MAD1L1: variants seen among roughly 807,000 people sequenced by gnomAD.
MAD1L1 encodes the protein mitotic arrest deficient 1 like 1, also known as mitotic spindle assembly checkpoint protein MAD1.
In MAD1L1, 95 loss-of-function variants were observed where a neutral mutation model predicts 96.9. That is an observed-to-expected ratio of 0.98 (90% CI 0.83 to 1.16). The LOEUF is 1.16. Among genes scored for constraint, MAD1L1 ranks in the 50% most tolerant of loss-of-function variants. The pLI is 0.00. For missense variants in MAD1L1, 1,007 were observed against 954.4 expected, an observed-to-expected ratio of 1.06 and a Z score of -0.73; for synonymous variants, 473 against 396.6, an observed-to-expected ratio of 1.19 and a Z score of -2.29.
At chr7:1,888,012 CGT>C (rs1554284241) in intron 18 of MAD1L1, among the ~76,000 whole-genome samples, 2 of 147,944 alleles carry the variant, frequency 1.4e-5, no homozygotes, top group Non-Finnish European at 1.5e-5. Flanking sequence ...GCTGCCTGTA[CGT>C]GTGTGTGCAT....
chr7:1,912,195 C>T (rs1229971727), intron 17 of MAD1L1, among the ~76,000 whole-genome samples: 1 of 152,214 alleles, frequency 6.6e-6, no homozygotes, highest in Non-Finnish European at 1.5e-5. Flanking sequence ...CAGAACCAGC[C>T]AGCTCCGTGT....
At chr7:2,040,659 T>G (rs1351858741) in intron 12 of MAD1L1, among the ~76,000 whole-genome samples, 1 of 152,174 alleles carries the variant, frequency 6.6e-6, no homozygotes, top group African/African-American at 2.4e-5. Flanking sequence ...ATTTTGGGGA[T>G]GTGCTTCCTT....
intron 10 of MAD1L1, among the ~76,000 whole-genome samples, chr7:2,189,337 C>A (rs1047193532): frequency 5.3e-5 from 8 of 152,162 alleles, no homozygotes; most frequent in Admixed American, 5.2e-4. Flanking sequence ...AGATATCTGC[C>A]CGCTCGTGTT....
chr7:1,981,139 T>C (rs192215264), intron 14 of MAD1L1, among the ~76,000 whole-genome samples: 1 of 152,272 alleles, frequency 6.6e-6, no homozygotes, highest in East Asian at 1.9e-4. Context: ...GTTAATTTTT[T>C]GTATTTTAGT....
At chr7:2,219,038 C>T (rs950468424) in intron 6 of MAD1L1, among the ~76,000 whole-genome samples, 11 of 152,114 alleles carry the variant, frequency 7.2e-5, no homozygotes, top group South Asian at 4.1e-4. Flanking sequence ...CCAGGCTGGA[C>T]GACAGAGTGA....
chr7:2,124,031 G>A (rs1357004344), intron 11 of MAD1L1, among the ~76,000 whole-genome samples: 1 of 152,356 alleles, frequency 6.6e-6, no homozygotes, highest in East Asian at 1.9e-4. Flanking sequence ...AGCCAGGTCA[G>A]GCTCCTCCTC....
chr7:2,121,520 A>G (rs1042790794), intron 11 of MAD1L1, among the ~76,000 whole-genome samples: 1 of 152,206 alleles, frequency 6.6e-6, no homozygotes, highest in Admixed American at 6.5e-5. Flanking sequence ...CACTGTCCCC[A>G]TGGGTCAGGC....
At chr7:1,856,409 C>T (rs894676805) in intron 18 of MAD1L1, among the ~76,000 whole-genome samples, 37 of 152,250 alleles carry the variant, frequency 2.4e-4, no homozygotes, top group African/African-American at 8.9e-4. Context: ...GGCCCCCTGC[C>T]TCCAGCGGCC....
rs181337251 is a variant in MAD1L1 at position 2,112,293 on chromosome 7, T to G, written c.1073+36859A>C. On this transcript the variant is annotated intron_variant, in intron 11 of 18. Coordinates refer to ENST00000265854, the MANE Select transcript of MAD1L1 (RefSeq NM_001013836.2). ...CAGCAGAAGGGCAAATGAGGCTGTATAGACAGTTTTTTTTAATCAACCAGA... is the reference window on the plus strand; with the variant it reads ...CAGCAGAAGGGCAAATGAGGCTGTAGAGACAGTTTTTTTTAATCAACCAGA... 2.0e-5 allele frequency among the ~76,000 whole-genome samples: 3 copies of G among 152,062 alleles called. No individual in the cohort carries two copies. In the South Asian group the frequency reaches 6.2e-4, roughly 31 times the overall value.
At chr7:2,140,666 C>G (rs1788984956) in intron 11 of MAD1L1, among the ~76,000 whole-genome samples, 1 of 152,252 alleles carries the variant, frequency 6.6e-6, no homozygotes. Context: ...CCCCAAGGAG[C>G]AACCAGGCCT....
intron 11 of MAD1L1, among the ~76,000 whole-genome samples, chr7:2,123,980 G>A (rs1034996460): frequency 4.0e-4 from 61 of 152,272 alleles, no homozygotes; most frequent in African/African-American, 1.3e-3. Flanking sequence ...GGGGGCTTAG[G>A]CCCCGGGGGC....
intron 18 of MAD1L1, among the ~76,000 whole-genome samples, chr7:1,862,668 T>C (rs899106169): frequency 2.0e-5 from 3 of 152,280 alleles, no homozygotes; most frequent in Non-Finnish European, 2.9e-5. Context: ...ACGGTCTGCC[T>C]ACAGGCCTGT....
At chr7:1,948,955 G>A (rs1210448340) in intron 16 of MAD1L1, among the ~76,000 whole-genome samples, 2 of 152,186 alleles carry the variant, frequency 1.3e-5, no homozygotes, top group Non-Finnish European at 2.9e-5. Context: ...CCAGACACTC[G>A]TACAACACAG....
At chr7:2,008,836 G>A (rs1782157585) in intron 13 of MAD1L1, among the ~76,000 whole-genome samples, 2 of 151,812 alleles carry the variant, frequency 1.3e-5, no homozygotes, top group African/African-American at 4.8e-5. Context: ...AAGCTCAGGT[G>A]GGAAGGAACA....
intron 18 of MAD1L1, among the ~76,000 whole-genome samples, chr7:1,827,953 G>A (rs1186292989): frequency 6.6e-6 from 1 of 152,190 alleles, no homozygotes; most frequent in Non-Finnish European, 1.5e-5. Context: ...GTTTCGTGGA[G>A]CGCCACGCTT....
chr7:1,959,509 G>A (rs1779864426), intron 15 of MAD1L1, among the ~76,000 whole-genome samples: 1 of 152,144 alleles, frequency 6.6e-6, no homozygotes, highest in South Asian at 2.1e-4. Flanking sequence ...GAAGACGCTG[G>A]CAGCCCCAGA....
intron 11 of MAD1L1, among the ~76,000 whole-genome samples, chr7:2,141,492 C>T (rs896651215): frequency 3.3e-5 from 5 of 152,292 alleles, no homozygotes; most frequent in South Asian, 2.1e-4. Context: ...GGATGGGCAC[C>T]GGGTCTATGT....
In MAD1L1 at chr7:2,208,546, G is replaced by A. The variant is rs1013220219; in HGVS notation, c.986+4666C>T. Among the ~76,000 whole-genome samples, 7 of 152,292 alleles carry A rather than the reference G, an allele frequency of 4.6e-5. No individual in the cohort carries two copies. In the East Asian group the frequency reaches 1.4e-3, roughly 29 times the overall value. On this transcript the variant is annotated intron_variant, in intron 10 of 18. Transcript: ENST00000265854. ...GGTTTTCTGCAGGTATCATTTAGCT[G>A]GTTGAGGAAGTTCTCTTCTCTTCCT... is the stretch of plus-strand genomic sequence containing the variant.
intron 10 of MAD1L1, 48 bp downstream of exon 10, chr7:2,213,163 AG>A (rs1793071921): frequency 3.1e-6 from 5 of 1,595,218 alleles, no homozygotes; most frequent in Admixed American, 1.7e-5. Context: ...CTCTTCACCC[AG>A]GACCCTTCAA....
Sources: allele counts gnomAD v4.1 joint callset (sites outside exome capture counted in the v4.1 genomes callset), GRCh38; gene constraint gnomAD v4.1.1; transcripts MANE v1.5; gene names NCBI Gene and HGNC (gene_info 2026-07-23, HGNC 2026-07-21).